KCNQ5: variants seen among roughly 807,000 people sequenced by gnomAD.
KCNQ5 encodes potassium voltage-gated channel subfamily Q member 5.
Under a neutral mutation model 98.2 loss-of-function variants are expected in KCNQ5, and 30 were observed. That is an observed-to-expected ratio of 0.31 (90% CI 0.23 to 0.41). The LOEUF (loss-of-function observed/expected upper bound fraction) is 0.41. Ranked by LOEUF, KCNQ5 falls within the 10% of genes least tolerant of loss-of-function variation. KCNQ5 has a pLI of 1.00. For synonymous variants in KCNQ5, 458 were observed against 449.4 expected, an observed-to-expected ratio of 1.02 and a Z score of -0.24; for missense variants, 835 against 1,182.5, an observed-to-expected ratio of 0.71 and a Z score of 4.31.
chr6:72,919,061 T>G (rs768646750), intron 1 of KCNQ5, among the ~76,000 whole-genome samples: 1 of 152,196 alleles, frequency 6.6e-6, no homozygotes. Context: ...GCACATGACT[T>G]TGTGACTTTG....
rs115746820 is a variant in KCNQ5 at position 73,089,297 on chromosome 6, A to G, written c.918+11410A>G. Among the ~76,000 whole-genome samples, 1,001 of 152,322 alleles carry G rather than the reference A, an allele frequency of 6.6e-3. 9 individuals carry two copies. The highest frequency in any genetic ancestry group is 0.023 in the African/African-American group (944 of 41,562). On this transcript the variant is annotated intron_variant, in intron 5 of 13. Transcript: ENST00000370398. ...TTCTATGAATAAAGATGAACAGAAT[A>G]AGGATTTAGGAAACAGTTGGTAGGG...
At chr6:73,098,296 G>A (rs58934581) in intron 5 of KCNQ5, among the ~76,000 whole-genome samples, 1 of 152,008 alleles carries the variant, frequency 6.6e-6, no homozygotes, top group Non-Finnish European at 1.5e-5. Flanking sequence ...TAGCTTCAAA[G>A]GGGCAAATCT....
chr6:72,802,915 T>C (rs1434369591), intron 1 of KCNQ5, among the ~76,000 whole-genome samples: 1 of 152,166 alleles, frequency 6.6e-6, no homozygotes, highest in Non-Finnish European at 1.5e-5. Context: ...TAAGGAATTA[T>C]AACGTCATCA....
intron 3 of KCNQ5, among the ~76,000 whole-genome samples, chr6:73,063,726 G>GATA (rs1364449752): frequency 2.4e-5 from 2 of 83,538 alleles, no homozygotes; most frequent in Admixed American, 1.2e-4. Context: ...ATAGATGATA[G>GATA]ATAGATAGAT....
At chr6:72,784,666 T>C (rs926719612) in intron 1 of KCNQ5, among the ~76,000 whole-genome samples, 7 of 152,336 alleles carry the variant, frequency 4.6e-5, no homozygotes, top group African/African-American at 1.7e-4. Context: ...AGATGATTGC[T>C]GCACCTCCAA....
chr6:73,043,770 T>C (rs1234066374), intron 3 of KCNQ5, among the ~76,000 whole-genome samples: 1 of 152,204 alleles, frequency 6.6e-6, no homozygotes, highest in Admixed American at 6.5e-5. Flanking sequence ...GCAATGCCAA[T>C]GTATCTCTGG....
chr6:72,678,712 A>G (rs1767540398), intron 1 of KCNQ5, among the ~76,000 whole-genome samples: 1 of 152,210 alleles, frequency 6.6e-6, no homozygotes, highest in South Asian at 2.1e-4. Flanking sequence ...TGTCTTTGGA[A>G]CAACATTTAA....
chr6:73,102,061 T>C (rs545948066), intron 5 of KCNQ5, among the ~76,000 whole-genome samples: 2 of 152,076 alleles, frequency 1.3e-5, no homozygotes, highest in Non-Finnish European at 2.9e-5. Context: ...TACTGACCAA[T>C]GGGACAGAAG....
intron 2 of KCNQ5, among the ~76,000 whole-genome samples, chr6:73,036,667 G>A (rs1008401926): frequency 2.0e-5 from 3 of 152,174 alleles, no homozygotes; most frequent in Non-Finnish European, 4.4e-5. Context: ...GTTACTCTGT[G>A]TATCAATAGT....
At chr6:73,096,328 T>G (rs1582348247) in intron 5 of KCNQ5, among the ~76,000 whole-genome samples, 2 of 105,384 alleles carry the variant, frequency 1.9e-5, no homozygotes, top group South Asian at 3.6e-4. Flanking sequence ...AGGGCAAAGG[T>G]CCTTAGGCAA....
chr6:73,078,606 A>G (rs1486615337), intron 5 of KCNQ5, among the ~76,000 whole-genome samples: 1 of 152,238 alleles, frequency 6.6e-6, no homozygotes, highest in Non-Finnish European at 1.5e-5. Context: ...GAATATTGAA[A>G]TCAATGTGCA....
intron 7 of KCNQ5, among the ~76,000 whole-genome samples, chr6:73,113,889 A>G (rs1775368563): frequency 6.6e-6 from 1 of 152,254 alleles, no homozygotes; most frequent in African/African-American, 2.4e-5. Flanking sequence ...AAATGCAGGT[A>G]ACAATGAAGT....
At chr6:72,679,718 TATA>T (rs376130311) in intron 1 of KCNQ5, among the ~76,000 whole-genome samples, 19,367 of 151,084 alleles carry the variant, frequency 0.13, 1,323 homozygotes, top group South Asian at 0.19. Flanking sequence ...AAACTTAAAG[TATA>T]ATAATAATAA....
intron 2 of KCNQ5, among the ~76,000 whole-genome samples, chr6:73,006,872 A>G (rs1769836408): frequency 6.6e-6 from 1 of 152,074 alleles, no homozygotes; most frequent in Admixed American, 6.5e-5. Context: ...CTACAATTCT[A>G]TTTCTGTGCA....
intron 3 of KCNQ5, among the ~76,000 whole-genome samples, chr6:73,043,695 C>A (rs1317967544): frequency 6.6e-6 from 1 of 152,200 alleles, no homozygotes; most frequent in East Asian, 1.9e-4. Context: ...TCATGGATGA[C>A]TGGAAAAATG....
intron 1 of KCNQ5, chr6:72,806,752 C>T (rs1774981030): frequency 6.7e-6 from 3 of 445,238 alleles, no homozygotes; most frequent in Admixed American, 4.9e-5. Flanking sequence ...GTACTGAGTT[C>T]CCATTCCTAC....
chr6:73,089,979 A>G (rs1774167384), intron 5 of KCNQ5, among the ~76,000 whole-genome samples: 1 of 152,136 alleles, frequency 6.6e-6, no homozygotes, highest in South Asian at 2.1e-4. Flanking sequence ...TCTTTAAGGA[A>G]TCTCCACACT....
chr6:72,939,491 A>G (rs1315913299), intron 1 of KCNQ5, among the ~76,000 whole-genome samples: 1 of 152,182 alleles, frequency 6.6e-6, no homozygotes, highest in Non-Finnish European at 1.5e-5. Flanking sequence ...TTAAATCCTA[A>G]GCCTCCAAAC....
At chr6:73,154,465 T>C (rs926856256) in intron 10 of KCNQ5, among the ~76,000 whole-genome samples, 6 of 152,182 alleles carry the variant, frequency 3.9e-5, no homozygotes, top group Admixed American at 6.5e-5. Flanking sequence ...AGATTTCCAT[T>C]AGTGTTACAT....
Sources: gnomAD v4.1 joint callset for allele counts (sites outside exome capture counted in the v4.1 genomes callset) on GRCh38, gnomAD v4.1.1 for gene constraint, MANE v1.5 for transcripts, NCBI Gene and HGNC (gene_info 2026-07-23, HGNC 2026-07-21) for gene names.